Variants in RHBDF2 observed in about 807,000 individuals in gnomAD.
The protein encoded by RHBDF2 is inactive rhomboid protein 2.
A neutral mutation model predicts 95.2 loss-of-function variants in RHBDF2; 38 were observed. The observed-to-expected ratio is 0.40, with a 90% CI of 0.31 to 0.52. RHBDF2 has a LOEUF of 0.52. RHBDF2 is among the 20% of genes least tolerant of loss of function. The probability of loss-of-function intolerance (pLI) is 0.56; values close to 1 mark genes in which losing one functional copy is unlikely to be tolerated. For synonymous variants in RHBDF2, 442 were observed against 462.0 expected, an observed-to-expected ratio of 0.96 and a Z score of 0.55; for missense variants, 863 against 1,137.7, an observed-to-expected ratio of 0.76 and a Z score of 3.47.
At chr17:76,492,585 G>A (rs1030114411) in intron 1 of RHBDF2, among the ~76,000 whole-genome samples, 10 of 152,080 alleles carry the variant, frequency 6.6e-5, no homozygotes, top group African/African-American at 1.7e-4. Context: ...TCCTCCACGC[G>A]GGCCCAGCCC....
intron 2 of RHBDF2, among the ~76,000 whole-genome samples, chr17:76,483,902 C>T (rs1309040866): frequency 6.6e-6 from 1 of 152,170 alleles, no homozygotes; most frequent in Non-Finnish European, 1.5e-5. Flanking sequence ...AGAATTAACA[C>T]CCTCTGCCTG....
At position 76,481,517 on chromosome 17, in the gene RHBDF2, G is replaced by A; in HGVS notation, c.8C>T (p.Ser3Phe). Reference protein sequence around the residue: MASADKNGGSVSS... With the variant: MAFADKNGGSVSS... Reference sequence around the variant, plus strand: ...CACGCTCCCGCCATTCTTGTCAGCAGAGGCCATTGTGGGCAGGAGGCGGGA... The same window carrying A: ...CACGCTCCCGCCATTCTTGTCAGCAAAGGCCATTGTGGGCAGGAGGCGGGA... Residue 3 changes from serine (S) to phenylalanine (F), a missense_variant, in exon 3 of 19, where the codon TCT becomes TTT. This residue lies in a region of RHBDF2 where 611 missense variants were observed against 725.5 expected (regional missense o/e 0.84). Transcript: ENST00000675367. The A allele has an allele frequency of 6.2e-7, 1 of 1,609,678 alleles. No homozygotes were observed. The highest frequency in any genetic ancestry group is 8.5e-7 in the Non-Finnish European group (1 of 1,179,762).
intron 7 of RHBDF2, 97 bp downstream of exon 7, chr17:76,477,560 C>A: frequency 7.4e-7 from 1 of 1,352,958 alleles, no homozygotes; most frequent in East Asian, 2.3e-5. Context: ...GCCTCTGGGT[C>A]CCTCAGGGGT....
chr17:76,486,764 A>T (rs1334002741), intron 2 of RHBDF2, among the ~76,000 whole-genome samples: 2 of 114,886 alleles, frequency 1.7e-5, no homozygotes, highest in Non-Finnish European at 4.0e-5. Flanking sequence ...TAAATGGGTG[A>T]ATCGACTGGT....
chr17:76,471,648 G>A lies in RHBDF2; in HGVS notation c.2469C>T (p.Asp823=), dbSNP rs1008543829. The change falls in exon 19 of 19, where the codon GAC becomes GAT. Residue 823 remains aspartate (D), a synonymous_variant. Coordinates refer to ENST00000675367, the MANE Select transcript of RHBDF2 (RefSeq NM_001005498.4). ...TSRFCEKYEL[D]QVLH is the part of the protein sequence containing the mutation. ...GGCCCAGCGGTCAGTGCAGCACCTGGTCCAGCTCATACTTCTCGCAGAAGC... is the reference window on the plus strand; with the variant it reads ...GGCCCAGCGGTCAGTGCAGCACCTGATCCAGCTCATACTTCTCGCAGAAGC... 1 of 1,603,780 alleles carries A rather than the reference G, an allele frequency of 6.2e-7. No homozygotes were observed. Among genetic ancestry groups the A allele is most frequent in the Non-Finnish European group, 8.5e-7 (1 of 1,175,100 alleles).
intron 9 of RHBDF2, 105 bp from the exon 10 acceptor site, chr17:76,475,246 T>C (rs1013650531): frequency 6.7e-6 from 5 of 741,628 alleles, no homozygotes; most frequent in Non-Finnish European, 9.3e-6. Flanking sequence ...CTGGGCTCCC[T>C]GTTCTGCCCC....
intron 1 of RHBDF2, among the ~76,000 whole-genome samples, chr17:76,492,499 G>A (rs1457348250): frequency 2.0e-5 from 3 of 152,194 alleles, no homozygotes; most frequent in African/African-American, 4.8e-5. Flanking sequence ...CCCCCAGGGA[G>A]GTCCCCAACA....
chr17:76,483,126 T>G (rs2074020571), intron 2 of RHBDF2, among the ~76,000 whole-genome samples: 1 of 151,898 alleles, frequency 6.6e-6, no homozygotes, highest in South Asian at 2.1e-4. Flanking sequence ...CCAATCTCAT[T>G]GCACCCTCCA....
rs1186815741 is a variant in RHBDF2 at position 76,476,912 on chromosome 17, C to T, written c.1033G>A (p.Val345Met). 6.2e-7 allele frequency: 1 copy of T among 1,613,596 alleles called. No individual in the cohort carries two copies. Among genetic ancestry groups the T allele is most frequent in the Non-Finnish European group, 8.5e-7 (1 of 1,179,974 alleles). Reference protein sequence around the residue: ...RKKRHYGLGVVGNWLNRSYRR... With the variant: ...RKKRHYGLGVMGNWLNRSYRR... ...TAGCTGCGGTTCAGCCAGTTGCCCA[C>T]CACGCCGAGGCCGTAGTGCCGCTTC... is the stretch of plus-strand genomic sequence containing the variant. The change falls in exon 9 of 19, where the codon GTG (valine) becomes ATG (methionine). Residue 345 changes from valine to methionine, a missense_variant. Around this residue, in one of 2 missense-constraint regions of RHBDF2, gnomAD observed 611 missense variants for 725.5 expected, o/e 0.84. Coordinates refer to ENST00000675367, the MANE Select transcript of RHBDF2 (RefSeq NM_001005498.4).
chr17:76,489,416 C>CG (rs1567888329), intron 1 of RHBDF2, among the ~76,000 whole-genome samples: 1 of 151,430 alleles, frequency 6.6e-6, no homozygotes, highest in African/African-American at 2.4e-5. Context: ...CACCGCCTCC[C>CG]GGGTTCACGC....
At chr17:76,486,510 C>A (rs2074133385) in intron 2 of RHBDF2, among the ~76,000 whole-genome samples, 1 of 152,040 alleles carries the variant, frequency 6.6e-6, no homozygotes, top group African/African-American at 2.4e-5. Flanking sequence ...CCCAGGAGTT[C>A]AAGACCAGCC....
chr17:76,495,244 G>A (rs1001615748), intron 1 of RHBDF2, among the ~76,000 whole-genome samples: 19 of 152,218 alleles, frequency 1.2e-4, no homozygotes, highest in African/African-American at 4.3e-4. Context: ...TGAGAGGTCC[G>A]TTTCACTCCT....
In RHBDF2 at chr17:76,472,808, G is replaced by A; in HGVS notation, c.1942C>T (p.Gln648Ter). The change falls in exon 18 of 19, where the codon CAA becomes TAA. Residue 648 changes from glutamine (Q) to a stop codon, truncating the protein, a stop_gained. Coordinates refer to ENST00000675367, the MANE Select transcript of RHBDF2 (RefSeq NM_001005498.4). LOFTEE classifies it high-confidence loss of function. ...TCCAGGTCCCTCAGGATGGTCATTT[G>A]AAAGACCACAGACACGAGGCAGTGC... ...VVHCLVSVVFQMTILRDLEKL... is the reference protein window; with the variant it reads ...VVHCLVSVVF 6.2e-7 allele frequency: 1 copy of A among 1,603,442 alleles called. No individual in the cohort carries two copies. The highest frequency in any genetic ancestry group is 8.5e-7 in the Non-Finnish European group (1 of 1,174,952).
intron 9 of RHBDF2, 50 bp downstream of exon 9, chr17:76,476,780 G>A (rs1339057863): frequency 6.6e-7 from 1 of 1,524,062 alleles, no homozygotes; most frequent in Non-Finnish European, 8.8e-7. Flanking sequence ...GGGCCCAGAG[G>A]AATTTGGAAC....
At chr17:76,476,808 G>C in intron 9 of RHBDF2, 22 bp downstream of exon 9, 2 of 1,571,644 alleles carry the variant, frequency 1.3e-6, no homozygotes, top group Middle Eastern at 2.1e-4. Flanking sequence ...GCTCTCCTGG[G>C]GGCTCCAGGG....
At chr17:76,485,603 C>A (rs1250917966) in intron 2 of RHBDF2, among the ~76,000 whole-genome samples, 1 of 152,042 alleles carries the variant, frequency 6.6e-6, no homozygotes, top group African/African-American at 2.4e-5. Context: ...CAAACAACAA[C>A]AAAAAATGAG....
intron 1 of RHBDF2, among the ~76,000 whole-genome samples, chr17:76,498,335 G>A (rs2074480971): frequency 6.6e-6 from 1 of 152,222 alleles, no homozygotes; most frequent in Non-Finnish European, 1.5e-5. Flanking sequence ...AGATGCCTGA[G>A]CTCACTCTGG....
chr17:76,484,748 T>C (rs950893321), intron 2 of RHBDF2, among the ~76,000 whole-genome samples: 4 of 152,214 alleles, frequency 2.6e-5, no homozygotes, highest in African/African-American at 7.2e-5. Flanking sequence ...TCCTGTGCCC[T>C]TGCTTACCCC....
At chr17:76,497,775 C>T (rs1347764951) in intron 1 of RHBDF2, among the ~76,000 whole-genome samples, 5 of 152,222 alleles carry the variant, frequency 3.3e-5, no homozygotes, top group Admixed American at 3.3e-4. Flanking sequence ...GTGAACTCAT[C>T]CTACTGAGCA....
Sources: gnomAD v4.1 joint callset for allele counts (sites outside exome capture counted in the v4.1 genomes callset) on GRCh38, gnomAD v4.1.1 for gene constraint, gnomAD v4.1.1 regional missense constraint, MANE v1.5 for transcripts, NCBI Gene and HGNC (gene_info 2026-07-23, HGNC 2026-07-21) for gene names.